Variants in SMARCA5 observed in about 807,000 individuals in gnomAD.
SMARCA5 encodes SNF2 related chromatin remodeling ATPase 5, also known as SWI/SNF-related matrix-associated actin-dependent regulator of chromatin subfamily A member 5.
SMARCA5 carries 18 observed loss-of-function variants against 140.4 expected under a neutral mutation model. That is an observed-to-expected ratio of 0.13 (90% confidence interval 0.09 to 0.19). The LOEUF (loss-of-function observed/expected upper bound fraction) is 0.19. Ranked by LOEUF, SMARCA5 falls within the 10% of genes least tolerant of loss-of-function variation. The probability of loss-of-function intolerance (pLI) is 1.00; values close to 1 mark genes in which losing one functional copy is unlikely to be tolerated. For missense variants in SMARCA5, 606 were observed against 1,276.8 expected, an observed-to-expected ratio of 0.47 and a Z score of 8.01; for synonymous variants, 449 against 419.6, an observed-to-expected ratio of 1.07 and a Z score of -0.86.
chr4:143,535,000 A>G (rs763648501), intron 10 of SMARCA5, 36 bp downstream of exon 10: 5 of 1,332,988 alleles, frequency 3.8e-6, no homozygotes, highest in Non-Finnish European at 5.2e-6. Context: ...AGCACTATTG[A>G]TTCTTCCCTA....
Position 143,550,060 on chromosome 4 carries a change from G to A in SMARCA5, c.3049G>A (p.Glu1017Lys). The A allele has an allele frequency of 6.3e-7, 1 of 1,591,880 alleles. No individual in the cohort carries two copies. Among genetic ancestry groups the A allele is most frequent in the Non-Finnish European group, 8.5e-7 (1 of 1,172,266 alleles). ...LIERENMELE[E>K]KEKAEKKKRG... ...TGAAAGAGAAAACATGGAACTAGAA[G>A]AAAAGGAGAAGGCAGAGAAAAAGAA... The change falls in exon 23 of 24, where the codon GAA becomes AAA. Residue 1017 changes from glutamate (E) to lysine (K), a missense_variant. Physicochemically the swap from Glu to Lys is moderately conservative, Grantham distance 56 (BLOSUM62 1). Transcript: ENST00000283131.
intron 23 of SMARCA5, among the ~76,000 whole-genome samples, chr4:143,550,541 C>G (rs1737622662): frequency 6.6e-6 from 1 of 151,920 alleles, no homozygotes; most frequent in African/African-American, 2.4e-5. Flanking sequence ...GTCTTAGTCT[C>G]TCTTTGTATT....
rs1737770140 is a variant in SMARCA5 at position 143,556,863 on chromosome 4, A to C, written c.*3679A>C. On this transcript the variant is annotated 3_prime_UTR_variant, in exon 24 of 24. Coordinates refer to ENST00000283131, the MANE Select transcript of SMARCA5 (RefSeq NM_003601.4). Reference sequence around the variant, plus strand: ...CAGCATTAACTTTACAGTAGTTACCAGAAAAGACTATGCTACAAGAACCAA... The same window carrying C: ...CAGCATTAACTTTACAGTAGTTACCCGAAAAGACTATGCTACAAGAACCAA... 6.6e-6 allele frequency: 1 copy of C among 152,246 alleles called. No homozygotes were observed. Among genetic ancestry groups the C allele is most frequent in the South Asian group, 2.1e-4 (1 of 4,826 alleles). 9.4% of individuals were successfully genotyped at this position (152,246 alleles called of 1,614,324 possible). A position where few individuals can be genotyped will look rare whatever the true frequency, so the allele number is the denominator to read the frequency against.
chr4:143,546,331 C>G (rs1737524882), intron 19 of SMARCA5, among the ~76,000 whole-genome samples: 1 of 151,984 alleles, frequency 6.6e-6, no homozygotes, highest in African/African-American at 2.4e-5. Context: ...ACATTGCTAC[C>G]CAGTCACCAT....
chr4:143,556,896 G>A lies in SMARCA5; in HGVS notation c.*3712G>A, dbSNP rs151074776. 6 of 152,088 alleles carry A rather than the reference G, an allele frequency of 3.9e-5. No individual in the cohort carries two copies. Among genetic ancestry groups the A allele is most frequent in the African/African-American group, 1.4e-4 (6 of 41,394 alleles). 9.4% of individuals were successfully genotyped at this position (152,088 alleles called of 1,614,324 possible). ...CTATGCTACAAGAACCAAAATTGAA[G>A]TAAGAAGAAAAAGACTGAAATGATA... On this transcript the variant is annotated 3_prime_UTR_variant, in exon 24 of 24. Coordinates refer to ENST00000283131, the MANE Select transcript of SMARCA5 (RefSeq NM_003601.4).
intron 1 of SMARCA5, among the ~76,000 whole-genome samples, chr4:143,516,456 G>GGCAC (rs1736838707): frequency 6.6e-6 from 1 of 152,020 alleles, no homozygotes; most frequent in Non-Finnish European, 1.5e-5. Context: ...ATTTTTGTAG[G>GGCAC]TTGCATTTCA....
intron 14 of SMARCA5, 124 bp downstream of exon 14, chr4:143,540,619 T>A: frequency 2.4e-6 from 2 of 818,610 alleles, no homozygotes; most frequent in Non-Finnish European, 3.9e-6. Flanking sequence ...CCAGTAGAGA[T>A]GACTTGTATT....
chr4:143,518,308 T>A (rs1332437000), intron 2 of SMARCA5, among the ~76,000 whole-genome samples: 1 of 152,158 alleles, frequency 6.6e-6, no homozygotes, highest in Non-Finnish European at 1.5e-5. Flanking sequence ...ATAGTAGTAG[T>A]GGCTAACAGT....
In SMARCA5 at chr4:143,555,715, T is replaced by C; in HGVS notation, c.*2531T>C. ...CCCAGGCTGGAGTGCAGTGGTGCAA[T>C]CACAGCTCACTGCAACCTCAAACTT... is the stretch of plus-strand genomic sequence containing the variant. On this transcript the variant is annotated 3_prime_UTR_variant, in exon 24 of 24. Transcript: ENST00000283131. 5.5e-6 allele frequency: 1 copy of C among 182,140 alleles called. No individual in the cohort carries two copies. 11.3% of individuals were successfully genotyped at this position (182,140 alleles called of 1,614,324 possible). A position where few individuals can be genotyped will look rare whatever the true frequency, so the allele number is the denominator to read the frequency against.
intron 3 of SMARCA5, among the ~76,000 whole-genome samples, chr4:143,522,510 A>G (rs1019539579): frequency 3.9e-5 from 6 of 152,244 alleles, no homozygotes; most frequent in African/African-American, 1.4e-4. Flanking sequence ...GAAAGAGGGA[A>G]GTATGATCTT....
chr4:143,523,808 A>G (rs1216608269), intron 3 of SMARCA5, among the ~76,000 whole-genome samples: 1 of 152,206 alleles, frequency 6.6e-6, no homozygotes, highest in Non-Finnish European at 1.5e-5. Flanking sequence ...TAATAGTTTT[A>G]CTGAACCAAG....
At chr4:143,546,126 T>TG (rs1737519326) in intron 19 of SMARCA5, 79 bp downstream of exon 19, 1 of 1,078,376 alleles carries the variant, frequency 9.3e-7, no homozygotes, top group African/African-American at 1.6e-5. Context: ...GGCATAAAAA[T>TG]AAATACAAGT....
At position 143,548,113 on chromosome 4, in the gene SMARCA5, C is replaced by T; in HGVS notation, c.2958C>T (p.Asp986=). ...CIRNSPQFRF[D]WFLKSRTAME... ...GCAACTCTCCTCAGTTCAGATTTGA[C>T]TGGTTTCTTAAGTCCAGAACTGCAA... The change falls in exon 22 of 24, where the codon GAC becomes GAT. Residue 986 remains aspartate, a synonymous_variant. Transcript: ENST00000283131. The T allele has an allele frequency of 6.2e-7, 1 of 1,610,948 alleles. No individual in the cohort carries two copies. The highest frequency in any genetic ancestry group is 8.5e-7 in the Non-Finnish European group (1 of 1,177,982).
chr4:143,545,465 T>G lies in SMARCA5; in HGVS notation c.2284-5T>G, dbSNP rs374483074. The G allele has an allele frequency of 3.3e-5, 53 of 1,591,856 alleles. No homozygotes were observed. In the African/African-American group the frequency reaches 6.6e-4, roughly 20 times the overall value. On this transcript the variant is annotated splice_polypyrimidine_tract_variant and splice_region_variant and intron_variant, in intron 17 of 23. Coordinates refer to ENST00000283131, the MANE Select transcript of SMARCA5 (RefSeq NM_003601.4). ...TGGATAACACTTATTTTTGTTTTTC[T>G]TTAGGCTCCTCGACCTCCAAAACAA...
In SMARCA5 at chr4:143,527,969, T is replaced by C; in HGVS notation, c.903T>C (p.Asn301=). The C allele has an allele frequency of 6.3e-7, 1 of 1,596,706 alleles. No individual in the cohort carries two copies. The highest frequency in any genetic ancestry group is 2.3e-5 in the East Asian group (1 of 44,164). ...AGAAGTCTGTGTTCAAAAAATTTAATTGGAGATACTTAGTAATAGATGAAG... is the reference window on the plus strand; with the variant it reads ...AGAAGTCTGTGTTCAAAAAATTTAACTGGAGATACTTAGTAATAGATGAAG... The part of the protein sequence containing the change: ...IKEKSVFKKF[N]WRYLVIDEAH... Residue 301 remains asparagine (N), a synonymous_variant, in exon 7 of 24, where the codon AAT becomes AAC. Coordinates refer to ENST00000283131, the MANE Select transcript of SMARCA5 (RefSeq NM_003601.4).
intron 14 of SMARCA5, among the ~76,000 whole-genome samples, chr4:143,540,814 T>G (rs868273499): frequency 2.0e-5 from 3 of 152,226 alleles, no homozygotes. Context: ...GGGGATAATG[T>G]ATATAAAATA....
At chr4:143,541,264 C>A (rs780744529) in intron 14 of SMARCA5, among the ~76,000 whole-genome samples, 111 of 152,146 alleles carry the variant, frequency 7.3e-4, no homozygotes, top group Non-Finnish European at 1.1e-3. Context: ...TTCAAGTGTG[C>A]ATTGGTTTCC....
chr4:143,520,085 C>G (rs1407413668), intron 2 of SMARCA5, among the ~76,000 whole-genome samples: 1 of 152,044 alleles, frequency 6.6e-6, no homozygotes, highest in Non-Finnish European at 1.5e-5. Flanking sequence ...CTTGTTTCTG[C>G]TTTTTAGGTT....
chr4:143,530,571 A>G, intron 9 of SMARCA5, 45 bp downstream of exon 9: 1 of 1,276,900 alleles, frequency 7.8e-7, no homozygotes, highest in Non-Finnish European at 1.1e-6. Context: ...TGATGGGAAA[A>G]AGGATAAAGG....
Sources: allele counts gnomAD v4.1 joint callset (sites outside exome capture counted in the v4.1 genomes callset), GRCh38; gene constraint gnomAD v4.1.1; transcripts MANE v1.5; gene names NCBI Gene and HGNC (gene_info 2026-07-23, HGNC 2026-07-21).